The following SYCP2 variants were observed in gnomAD, a reference collection of about 807,000 sequenced individuals.
The protein encoded by SYCP2 is synaptonemal complex lateral element protein.
Under a neutral mutation model 211.3 loss-of-function variants are expected in SYCP2, and 55 were observed. That is an observed-to-expected ratio of 0.26 (90% CI 0.21 to 0.33). The LOEUF is 0.33. Among genes scored for constraint, SYCP2 ranks in the 10% least tolerant of loss-of-function variants. The probability of loss-of-function intolerance (pLI) is 1.00; values close to 1 mark genes in which losing one functional copy is unlikely to be tolerated. For missense variants in SYCP2, 1,731 were observed against 1,752.0 expected (o/e 0.99, Z 0.21); for synonymous variants, 570 against 555.2 (o/e 1.03, Z -0.37).
chr20:59,926,071 A>G (rs1296477113), intron 2 of SYCP2, among the ~76,000 whole-genome samples: 1 of 152,088 alleles, frequency 6.6e-6, no homozygotes, highest in Non-Finnish European at 1.5e-5. Flanking sequence ...GCTGGGAGAC[A>G]GTCTCCAGCC....
intron 20 of SYCP2, among the ~76,000 whole-genome samples, chr20:59,895,085 TGA>T (rs1198020465): frequency 3.9e-5 from 6 of 152,096 alleles, no homozygotes; most frequent in African/African-American, 7.2e-5. Flanking sequence ...TGCTAAATTT[TGA>T]GAAACTTAAG....
chr20:59,871,136 A>C (rs2059444224), intron 35 of SYCP2, among the ~76,000 whole-genome samples: 1 of 151,974 alleles, frequency 6.6e-6, no homozygotes, highest in Non-Finnish European at 1.5e-5. Context: ...GAATATATTA[A>C]GAACTCATAC....
rs1353041693 is a variant in SYCP2 at position 59,877,374 on chromosome 20, T to C, written c.3150+11A>G. The C allele has an allele frequency of 4.6e-6, 7 of 1,534,184 alleles. No individual in the cohort carries two copies. The highest frequency in any genetic ancestry group is 6.1e-6 in the Non-Finnish European group (7 of 1,148,018). ...GGCTTTTAGAAATTAATCTGAACTG[T>C]ATCTATTTACCTTTACTGGTATGTT... On this transcript the variant is annotated intron_variant, in intron 33 of 44. Coordinates refer to ENST00000357552, the MANE Select transcript of SYCP2 (RefSeq NM_014258.4).
intron 14 of SYCP2, among the ~76,000 whole-genome samples, chr20:59,909,816 T>C (rs984915088): frequency 1.3e-5 from 2 of 152,286 alleles, no homozygotes; most frequent in African/African-American, 4.8e-5. Context: ...CAAAATGATT[T>C]TAAATAATAA....
At chr20:59,904,064 G>T (rs1295280310) in intron 15 of SYCP2, among the ~76,000 whole-genome samples, 2 of 152,080 alleles carry the variant, frequency 1.3e-5, no homozygotes, top group Non-Finnish European at 2.9e-5. Flanking sequence ...AAGAAGACAA[G>T]CAAGTATTTA....
intron 24 of SYCP2, among the ~76,000 whole-genome samples, chr20:59,890,972 T>C (rs932437779): frequency 3.9e-5 from 6 of 151,962 alleles, no homozygotes; most frequent in African/African-American, 1.4e-4. Context: ...AGAATATGAT[T>C]AAAGAAGAAA....
In SYCP2 at chr20:59,891,991, ATTT is replaced by A; in HGVS notation, c.2360_2362del (p.Lys787del). 1 of 1,550,118 alleles carries A rather than the reference ATTT, an allele frequency of 6.5e-7. No individual in the cohort carries two copies. The highest frequency in any genetic ancestry group is 8.7e-7 in the Non-Finnish European group (1 of 1,146,546). ...AATCAAAACACATTGAAAGCTCACC[ATTT>A]TTTTTTGTTTCGAATCCCAGGAATT... On this transcript the variant is annotated inframe_deletion and splice_region_variant, in exon 24 of 45. Coordinates refer to ENST00000357552, the MANE Select transcript of SYCP2 (RefSeq NM_014258.4).
chr20:59,867,712 T>C lies in SYCP2; in HGVS notation c.4124A>G (p.Asn1375Ser), dbSNP rs746290155. Residue 1375 changes from asparagine (N) to serine (S), a missense_variant and splice_region_variant, in exon 39 of 45, where the codon AAT (asparagine) becomes AGT (serine). Asn to Ser is a conservative substitution (Grantham distance 46). This residue lies in a region of SYCP2 where 1,387 missense variants were observed against 1,351.3 expected (regional missense o/e 1.03). Coordinates refer to ENST00000357552, the MANE Select transcript of SYCP2 (RefSeq NM_014258.4). Reference sequence around the variant, plus strand: ...ATCATAATTTAAAGAATAACTCACATTATTCCTTCTCTTAAATTCTGAATT... The same window carrying C: ...ATCATAATTTAAAGAATAACTCACACTATTCCTTCTCTTAAATTCTGAATT... ...RLNSEFKRRN[N>S]IRHKMLSYFT... 4 of 1,604,734 alleles carry C rather than the reference T, an allele frequency of 2.5e-6. No individual in the cohort carries two copies. Among genetic ancestry groups the C allele is most frequent in the Non-Finnish European group, 3.4e-6 (4 of 1,173,068 alleles).
chr20:59,911,022 T>C (rs1426304689), intron 14 of SYCP2, among the ~76,000 whole-genome samples: 3 of 152,120 alleles, frequency 2.0e-5, no homozygotes, highest in African/African-American at 4.8e-5. Flanking sequence ...CTGGAACAAA[T>C]GGCAGGATTC....
chr20:59,913,639 C>A (rs888828211), intron 12 of SYCP2, among the ~76,000 whole-genome samples: 6 of 151,732 alleles, frequency 4.0e-5, no homozygotes, highest in Admixed American at 3.3e-4. Flanking sequence ...TTTTATTATC[C>A]CTCAAACATT....
Position 59,901,686 on chromosome 20 carries a change from T to A in SYCP2, c.1158A>T (p.Lys386Asn), listed in dbSNP as rs750779924. ...ASLEITNVTQ[K>N]IFGATKHRES... ...CCCTATGTTTAGTTGCACCAAAAAT[T>A]TTTTGAGTTACATTAGTGATTTCTA... Residue 386 changes from lysine to asparagine, a missense_variant, in exon 16 of 45, where the codon AAA becomes AAT. Physicochemically the swap from Lys to Asn is moderately conservative, Grantham distance 94. Transcript: ENST00000357552. 1 of 1,583,798 alleles carries A rather than the reference T, an allele frequency of 6.3e-7. No homozygotes were observed. Among genetic ancestry groups the A allele is most frequent in the East Asian group, 2.3e-5 (1 of 44,032 alleles).
chr20:59,929,279 A>C (rs1181520441), intron 2 of SYCP2, among the ~76,000 whole-genome samples: 1 of 150,988 alleles, frequency 6.6e-6, no homozygotes, highest in Admixed American at 6.6e-5. Context: ...GAATAAAGGA[A>C]ATTGGAAATC....
intron 43 of SYCP2, 53 bp from the exon 44 acceptor site, chr20:59,865,497 A>G: frequency 6.3e-7 from 1 of 1,583,572 alleles, no homozygotes; most frequent in Non-Finnish European, 8.6e-7. Context: ...AAGTTTTCAC[A>G]GCAAAGACAA....
At chr20:59,917,026 A>C (rs1015546813) in intron 7 of SYCP2, among the ~76,000 whole-genome samples, 2 of 152,206 alleles carry the variant, frequency 1.3e-5, no homozygotes, top group African/African-American at 4.8e-5. Flanking sequence ...TCCTAATTCT[A>C]CTTGGCCTTG....
intron 15 of SYCP2, among the ~76,000 whole-genome samples, chr20:59,906,249 A>T (rs1435133975): frequency 6.6e-6 from 1 of 152,138 alleles, no homozygotes; most frequent in Non-Finnish European, 1.5e-5. Flanking sequence ...CCAAAACAAT[A>T]TTTTAAAAAA....
Position 59,885,910 on chromosome 20 carries a change from T to A in SYCP2, c.2529+18A>T. 2 of 1,584,942 alleles carry A rather than the reference T, an allele frequency of 1.3e-6. No homozygotes were observed. The highest frequency in any genetic ancestry group is 1.1e-5 in the South Asian group (1 of 87,408). On this transcript the variant is annotated intron_variant, in intron 26 of 44. Transcript: ENST00000357552. ...AGTTTGACTATAGATTTGGTGAAGT[T>A]AAGTAAATAACACCTACCTTACTGA...
At chr20:59,926,706 A>G (rs1416237929) in intron 2 of SYCP2, among the ~76,000 whole-genome samples, 1 of 152,268 alleles carries the variant, frequency 6.6e-6, no homozygotes, top group East Asian at 1.9e-4. Flanking sequence ...CAAACTTAAT[A>G]TTGGAATGCC....
intron 2 of SYCP2, among the ~76,000 whole-genome samples, chr20:59,928,941 A>G (rs2060683332): frequency 6.6e-6 from 1 of 152,176 alleles, no homozygotes; most frequent in Admixed American, 6.5e-5. Context: ...AAAGTAATAG[A>G]TTTTAACTTT....
chr20:59,927,401 A>G (rs6100654), intron 2 of SYCP2, among the ~76,000 whole-genome samples: 39,875 of 151,974 alleles, frequency 0.26, 5,522 homozygotes, highest in East Asian at 0.39. Flanking sequence ...GCTCTACCAT[A>G]TATCTAGAGA....
Sources: gnomAD v4.1 joint callset for allele counts (sites outside exome capture counted in the v4.1 genomes callset) on GRCh38, gnomAD v4.1.1 for gene constraint, gnomAD v4.1.1 regional missense constraint, MANE v1.5 for transcripts, NCBI Gene and HGNC (gene_info 2026-07-23, HGNC 2026-07-21) for gene names.